The following PXDN variants were observed in gnomAD, a reference collection of about 807,000 sequenced individuals.
The protein encoded by PXDN is peroxidasin homolog.
PXDN carries 77 observed loss-of-function variants against 140.3 expected under a neutral mutation model. The ratio of observed to expected loss-of-function variants is 0.55; its 90% CI spans 0.46 to 0.66. The LOEUF (loss-of-function observed/expected upper bound fraction) is 0.66. PXDN is among the 30% of genes least tolerant of loss of function. The pLI, the probability that PXDN is intolerant of heterozygous loss-of-function variation, is 0.00. For synonymous variants in PXDN, 911 were observed against 857.4 expected (o/e 1.06, Z -1.09); for missense variants, 1,838 against 2,039.5 (o/e 0.90, Z 1.90).
chr2:1,677,716 A>G (rs1683759644), intron 7 of PXDN, among the ~76,000 whole-genome samples: 1 of 152,160 alleles, frequency 6.6e-6, no homozygotes, highest in Non-Finnish European at 1.5e-5. Context: ...AGGCCCGCAC[A>G]GGGAGCGGCC....
intron 1 of PXDN, among the ~76,000 whole-genome samples, chr2:1,730,227 A>T (rs1685282087): frequency 6.6e-6 from 1 of 152,240 alleles, no homozygotes; most frequent in Non-Finnish European, 1.5e-5. Context: ...TTGCATAAAA[A>T]TATTTTAAAA....
At position 1,742,778 on chromosome 2, in the gene PXDN, G is replaced by A. The variant is rs573384026; in HGVS notation, c.200+1478C>T. On this transcript the variant is annotated intron_variant, in intron 1 of 22. Coordinates refer to ENST00000252804, the MANE Select transcript of PXDN (RefSeq NM_012293.3). ...ACCATTCACGGGCTCTGGAAAGAAA[G>A]CCTTGGTCTCTCTGCGGAGGAGGAG... Among the ~76,000 whole-genome samples, 10 of 152,290 alleles carry A rather than the reference G, an allele frequency of 6.6e-5. No individual in the cohort carries two copies. The South Asian group carries it at 2.1e-3, about 32-fold the overall frequency.
At chr2:1,643,258 G>A (rs527590386) in intron 19 of PXDN, 110 bp downstream of exon 19, 2 of 1,127,842 alleles carry the variant, frequency 1.8e-6, no homozygotes, top group Non-Finnish European at 2.5e-6. Flanking sequence ...TGAATATTTT[G>A]TTTTCAGTTT....
chr2:1,707,005 A>G (rs376263259), intron 1 of PXDN, among the ~76,000 whole-genome samples: 2 of 122,890 alleles, frequency 1.6e-5, no homozygotes, highest in South Asian at 2.6e-4. Context: ...TCTAAGCATC[A>G]CCTGCCCCAC....
intron 1 of PXDN, among the ~76,000 whole-genome samples, chr2:1,705,341 G>T (rs2125462124): frequency 1.3e-5 from 2 of 152,312 alleles, no homozygotes; most frequent in Middle Eastern, 3.4e-3. Flanking sequence ...CACTCCCCAT[G>T]AGCCCAGATG....
chr2:1,717,144 C>T (rs753485720), intron 1 of PXDN, among the ~76,000 whole-genome samples: 3 of 152,218 alleles, frequency 2.0e-5, no homozygotes, highest in Non-Finnish European at 4.4e-5. Context: ...CCAAATCTGA[C>T]GTCTAGAAAC....
At position 1,666,232 on chromosome 2, in the gene PXDN, C is replaced by T. The variant is rs749531982; in HGVS notation, c.1273G>A (p.Ala425Thr). Residue 425 changes from alanine (A) to threonine (T), a missense_variant, in exon 10 of 23, where the codon GCT becomes ACT. Ala to Thr is a moderately conservative substitution (Grantham distance 58). Transcript: ENST00000252804. ...TACCCACCCTGGACGATGATGAAAG[C>T]GGTGGCATGGACGCTGTCAATGTTG... ...TNNIDSVHATAFIIVQALPQF... is the reference protein window; with the variant it reads ...TNNIDSVHATTFIIVQALPQF... 4 of 1,613,882 alleles carry T rather than the reference C, an allele frequency of 2.5e-6. No individual in the cohort carries two copies. Among genetic ancestry groups the T allele is most frequent in the Non-Finnish European group, 3.4e-6 (4 of 1,179,800 alleles).
chr2:1,737,557 T>A lies in PXDN; in HGVS notation c.200+6699A>T, dbSNP rs75169449. Among the ~76,000 whole-genome samples, 796 of 140,420 alleles carry A rather than the reference T, an allele frequency of 5.7e-3. 10 individuals are homozygous for A. The highest frequency in any genetic ancestry group is 0.021 in the African/African-American group (777 of 37,866). 92.1% of individuals were successfully genotyped at this position (140,420 alleles called of 152,430 possible). ...ATGCCTATTCTTTTCTTTTTTTTTTTGAGATGGAGTCTTGCTCTGTCCCCC... is the reference window on the plus strand; with the variant it reads ...ATGCCTATTCTTTTCTTTTTTTTTTAGAGATGGAGTCTTGCTCTGTCCCCC... On this transcript the variant is annotated intron_variant, in intron 1 of 22. Coordinates refer to ENST00000252804, the MANE Select transcript of PXDN (RefSeq NM_012293.3).
intron 21 of PXDN, among the ~76,000 whole-genome samples, chr2:1,637,557 T>C (rs1212240339): frequency 6.7e-6 from 1 of 150,132 alleles, no homozygotes; most frequent in African/African-American, 2.5e-5. Context: ...CTGTCCACTC[T>C]GACAGCTGCC....
chr2:1,720,669 TTCTCTCTGCATCTCTTTC>T (rs1382636830), intron 1 of PXDN, among the ~76,000 whole-genome samples: 445 of 32,664 alleles, frequency 0.014, no homozygotes, highest in South Asian at 0.036. Context: ...CTGCATCTCT[TTCTCTCTGCATCTCTTTC>T]TCTCTCTCTC....
chr2:1,643,067 G>C (rs1682765194), intron 19 of PXDN, among the ~76,000 whole-genome samples: 3 of 152,114 alleles, frequency 2.0e-5, no homozygotes, highest in African/African-American at 7.2e-5. Context: ...CATACATTAG[G>C]CTTTAAGGAA....
At chr2:1,657,413 C>T (rs1683170600) in intron 14 of PXDN, among the ~76,000 whole-genome samples, 1 of 151,274 alleles carries the variant, frequency 6.6e-6, no homozygotes, top group African/African-American at 2.4e-5. Context: ...AGGGGACCTG[C>T]CCTGTCCTAA....
At chr2:1,635,830 T>G (rs576537647) in intron 21 of PXDN, 1 of 390,840 alleles carries the variant, frequency 2.6e-6, no homozygotes, top group East Asian at 6.1e-5. Flanking sequence ...GCACCTACAC[T>G]TCCACCAGAA....
intron 1 of PXDN, among the ~76,000 whole-genome samples, chr2:1,707,669 C>T (rs12473260): frequency 0.51 from 76,959 of 152,030 alleles, 19,686 homozygotes; most frequent in South Asian, 0.55. Flanking sequence ...AATAACTACA[C>T]AGAAGAGGAC....
chr2:1,645,485 C>T (rs572578135), intron 17 of PXDN, among the ~76,000 whole-genome samples: 2 of 152,292 alleles, frequency 1.3e-5, no homozygotes, highest in Admixed American at 1.3e-4. Context: ...CTGCCCTTTT[C>T]TACAAAACTC....
At chr2:1,680,607 C>T (rs913290671) in intron 6 of PXDN, among the ~76,000 whole-genome samples, 4 of 152,164 alleles carry the variant, frequency 2.6e-5, no homozygotes, top group South Asian at 2.1e-4. Context: ...AGGCACTAAC[C>T]GTAGAGGCGT....
intron 1 of PXDN, among the ~76,000 whole-genome samples, chr2:1,705,661 G>A (rs1172878480): frequency 3.7e-5 from 5 of 135,672 alleles, no homozygotes; most frequent in Non-Finnish European, 7.8e-5. Flanking sequence ...GACCTGGGAC[G>A]CAGGGTGCAG....
intron 1 of PXDN, among the ~76,000 whole-genome samples, chr2:1,731,873 G>A (rs1479249993): frequency 6.6e-6 from 1 of 152,122 alleles, no homozygotes; most frequent in African/African-American, 2.4e-5. Flanking sequence ...CCCTGACTAA[G>A]GCAACAGCAT....
chr2:1,678,441 C>T lies in PXDN; in HGVS notation c.731-1397G>A, dbSNP rs558553830. Among the ~76,000 whole-genome samples the T allele has an allele frequency of 3.9e-5, 6 of 152,260 alleles. No homozygotes were observed. In the South Asian group the frequency reaches 1.0e-3, roughly 26 times the overall value. On this transcript the variant is annotated intron_variant, in intron 7 of 22. Coordinates refer to ENST00000252804, the MANE Select transcript of PXDN (RefSeq NM_012293.3). ...CCTGAACGGGGTGAATTGTCTGGCA[C>T]GGGAACAATGCCTCGATAAAGCTAT...
Sources: allele counts gnomAD v4.1 joint callset (sites outside exome capture counted in the v4.1 genomes callset), GRCh38; gene constraint gnomAD v4.1.1; transcripts MANE v1.5; gene names NCBI Gene and HGNC (gene_info 2026-07-23, HGNC 2026-07-21).